Variants in GALNT17 observed in about 807,000 individuals in gnomAD.
GALNT17 encodes polypeptide N-acetylgalactosaminyltransferase 17, also known as UDP-GalNAc:polypeptide N-acetylgalactosaminyltransferase-like 3.
A neutral mutation model predicts 63.7 loss-of-function variants in GALNT17; 29 were observed. The ratio of observed to expected loss-of-function variants is 0.46; its 90% confidence interval spans 0.34 to 0.62. The LOEUF is 0.62. GALNT17 is among the 20% of genes least tolerant of loss of function. The pLI, the probability that GALNT17 is intolerant of heterozygous loss-of-function variation, is 0.01. For synonymous variants in GALNT17, 305 were observed against 318.3 expected (o/e 0.96, Z 0.45); for missense variants, 603 against 799.6 (o/e 0.75, Z 2.97).
intron 5 of GALNT17, among the ~76,000 whole-genome samples, chr7:71,513,366 TTTTTTTTG>T (rs967765002): frequency 1.3e-4 from 20 of 151,544 alleles, no homozygotes; most frequent in East Asian, 5.8e-4. Flanking sequence ...CCCTTGGTGT[TTTTTTTTG>T]TTTTTTTGTT....
intron 1 of GALNT17, among the ~76,000 whole-genome samples, chr7:71,187,338 T>C (rs1788870122): frequency 6.7e-6 from 1 of 149,974 alleles, no homozygotes; most frequent in South Asian, 2.1e-4. Context: ...CCCAGGCTGG[T>C]CTCAAATTCC....
chr7:71,396,680 G>A (rs1320418389), intron 3 of GALNT17, among the ~76,000 whole-genome samples: 1 of 152,088 alleles, frequency 6.6e-6, no homozygotes, highest in Non-Finnish European at 1.5e-5. Context: ...TGTTGGGATT[G>A]TATTATATGT....
chr7:71,501,640 G>A (rs1788182194), intron 5 of GALNT17, among the ~76,000 whole-genome samples: 1 of 152,218 alleles, frequency 6.6e-6, no homozygotes, highest in Non-Finnish European at 1.5e-5. Flanking sequence ...CAAAACCCAT[G>A]TCCTGAGTGT....
intron 5 of GALNT17, among the ~76,000 whole-genome samples, chr7:71,559,641 C>T (rs369422377): frequency 1.3e-5 from 2 of 152,230 alleles, no homozygotes; most frequent in East Asian, 1.9e-4. Context: ...GTGTAAGGAT[C>T]GCTTGAGGCC....
At chr7:71,352,956 AAC>A (rs1721571594) in intron 2 of GALNT17, among the ~76,000 whole-genome samples, 1 of 152,148 alleles carries the variant, frequency 6.6e-6, no homozygotes, top group Non-Finnish European at 1.5e-5. Context: ...TGATGACCTC[AAC>A]AAGGATATTC....
At chr7:71,462,891 T>C (rs1342015628) in intron 5 of GALNT17, among the ~76,000 whole-genome samples, 1 of 152,202 alleles carries the variant, frequency 6.6e-6, no homozygotes, top group Non-Finnish European at 1.5e-5. Context: ...ACCCAAGATA[T>C]ATTTTCCTTT....
At chr7:71,264,265 T>C (rs67740717) in intron 1 of GALNT17, among the ~76,000 whole-genome samples, 44,978 of 151,958 alleles carry the variant, frequency 0.3, 6,922 homozygotes, top group East Asian at 0.52. Flanking sequence ...CCCTCTTAGT[T>C]TGACAGCTGA....
At chr7:71,494,966 G>A (rs969969905) in intron 5 of GALNT17, among the ~76,000 whole-genome samples, 2 of 152,134 alleles carry the variant, frequency 1.3e-5, no homozygotes, top group Admixed American at 6.5e-5. Flanking sequence ...TCTCCACCTG[G>A]TACAAATCAA....
intron 8 of GALNT17, among the ~76,000 whole-genome samples, chr7:71,672,332 C>T (rs993737483): frequency 6.6e-6 from 1 of 151,984 alleles, no homozygotes; most frequent in African/African-American, 2.4e-5. Context: ...AATAAAAGAA[C>T]CATGAGGAAA....
intron 5 of GALNT17, among the ~76,000 whole-genome samples, chr7:71,551,289 TTC>T (rs994280495): frequency 1.3e-5 from 2 of 152,194 alleles, no homozygotes. Context: ...TTTTAGATTT[TTC>T]TCTTTTTCCT....
At chr7:71,150,871 T>C (rs891557914) in intron 1 of GALNT17, among the ~76,000 whole-genome samples, 1 of 151,086 alleles carries the variant, frequency 6.6e-6, no homozygotes, top group Non-Finnish European at 1.5e-5. Flanking sequence ...CCAGGCCCGG[T>C]AGTGTGTGCC....
chr7:71,408,577 A>T (rs1345498447), intron 3 of GALNT17, among the ~76,000 whole-genome samples: 1 of 152,168 alleles, frequency 6.6e-6, no homozygotes, highest in African/African-American at 2.4e-5. Context: ...GGATCCCAGT[A>T]TTGGAGCCAA....
At position 71,446,826 on chromosome 7, in the gene GALNT17, G is replaced by A. The variant is rs144252492; in HGVS notation, c.962+25721G>A. On this transcript the variant is annotated intron_variant, in intron 5 of 10. Coordinates refer to ENST00000333538, the MANE Select transcript of GALNT17 (RefSeq NM_022479.3). ...TGCCTCCCAGAGTGCTGGGATTACA[G>A]GCATGAACCACTGCGGCCGACTCTA... is the stretch of plus-strand genomic sequence containing the variant. Among the ~76,000 whole-genome samples the A allele has an allele frequency of 1.0e-3, 153 of 152,332 alleles. 1 individual carries two copies. Among genetic ancestry groups the A allele is most frequent in the African/African-American group, 3.4e-3 (140 of 41,580 alleles).
chr7:71,603,643 A>G (rs114927708), intron 6 of GALNT17, among the ~76,000 whole-genome samples: 1,859 of 150,248 alleles, frequency 0.012, 42 homozygotes, highest in African/African-American at 0.044. Context: ...GGATACTGCT[A>G]AGTGCATGCA....
intron 6 of GALNT17, among the ~76,000 whole-genome samples, chr7:71,591,960 GC>G (rs1351491511): frequency 6.6e-6 from 1 of 152,234 alleles, no homozygotes; most frequent in African/African-American, 2.4e-5. Context: ...ACAGCACCCT[GC>G]CGAAATGTCA....
intron 1 of GALNT17, among the ~76,000 whole-genome samples, chr7:71,317,908 TTTA>T (rs1026365432): frequency 7.9e-5 from 12 of 152,154 alleles, no homozygotes; most frequent in Non-Finnish European, 1.2e-4. Context: ...GCTTTGAGTT[TTTA>T]TTATTCATAA....
intron 1 of GALNT17, among the ~76,000 whole-genome samples, chr7:71,134,828 T>C (rs796253421): frequency 1.6e-4 from 23 of 145,152 alleles, no homozygotes; most frequent in African/African-American, 5.7e-4. Flanking sequence ...AGTTTCTTTG[T>C]TTTATGGTTT....
chr7:71,273,042 C>T (rs10238468), intron 1 of GALNT17, among the ~76,000 whole-genome samples: 62,321 of 151,364 alleles, frequency 0.41, 14,470 homozygotes, highest in Non-Finnish European at 0.49. Flanking sequence ...AAAAACACTC[C>T]TGTTATTAGC....
intron 1 of GALNT17, among the ~76,000 whole-genome samples, chr7:71,262,934 G>A (rs1049306063): frequency 1.3e-5 from 2 of 151,906 alleles, no homozygotes; most frequent in South Asian, 4.2e-4. Flanking sequence ...ACCCACCTCA[G>A]CCTCCCAAAG....
Sources: allele counts gnomAD v4.1 joint callset (sites outside exome capture counted in the v4.1 genomes callset), GRCh38; gene constraint gnomAD v4.1.1; transcripts MANE v1.5; gene names NCBI Gene and HGNC (gene_info 2026-07-23, HGNC 2026-07-21).